The following CORIN variants were observed in gnomAD, a reference collection of about 807,000 sequenced individuals.
The protein encoded by CORIN is corin, serine peptidase.
A neutral mutation model predicts 125.3 loss-of-function variants in CORIN; 117 were observed. The ratio of observed to expected loss-of-function variants is 0.93; its 90% CI spans 0.80 to 1.09. The LOEUF is 1.09. Among genes scored for constraint, CORIN ranks in the 50% least tolerant of loss-of-function variants. The probability of loss-of-function intolerance (pLI) is 0.00; values close to 1 mark genes in which losing one functional copy is unlikely to be tolerated. For missense variants in CORIN, 1,253 were observed against 1,306.7 expected (o/e 0.96, Z 0.63); for synonymous variants, 450 against 466.4 (o/e 0.96, Z 0.45).
intron 2 of CORIN, among the ~76,000 whole-genome samples, chr4:47,794,897 TC>T (rs1731226366): frequency 1.3e-5 from 2 of 152,154 alleles, no homozygotes; most frequent in Non-Finnish European, 2.9e-5. Context: ...TCCGATGTTT[TC>T]TTCTAGGAGT....
chr4:47,751,498 A>G (rs1467867426), intron 4 of CORIN, among the ~76,000 whole-genome samples: 1 of 151,928 alleles, frequency 6.6e-6, no homozygotes, highest in African/African-American at 2.4e-5. Flanking sequence ...AGCCAGCTGT[A>G]CTCTCTCTAA....
At chr4:47,635,362 C>A (rs945748602) in intron 16 of CORIN, among the ~76,000 whole-genome samples, 2 of 152,046 alleles carry the variant, frequency 1.3e-5, no homozygotes, top group African/African-American at 4.8e-5. Flanking sequence ...ACAAAATAAC[C>A]AAATGTGATA....
chr4:47,796,673 AC>A (rs1380619400), intron 2 of CORIN, among the ~76,000 whole-genome samples: 2 of 152,080 alleles, frequency 1.3e-5, no homozygotes, highest in African/African-American at 2.4e-5. Flanking sequence ...ACAGGTATAT[AC>A]TTGTTTCCAA....
At chr4:47,611,846 G>A (rs1721883557) in intron 19 of CORIN, among the ~76,000 whole-genome samples, 1 of 152,226 alleles carries the variant, frequency 6.6e-6, no homozygotes, top group Non-Finnish European at 1.5e-5. Context: ...TGTCTATTGA[G>A]ATAATCATGT....
chr4:47,637,296 G>C (rs28785833), intron 16 of CORIN, among the ~76,000 whole-genome samples: 39,763 of 152,048 alleles, frequency 0.26, 5,432 homozygotes, highest in Admixed American at 0.36. Context: ...AATTTGCAGC[G>C]TGACAATGCA....
intron 4 of CORIN, among the ~76,000 whole-genome samples, chr4:47,753,426 G>A (rs1728997252): frequency 6.6e-6 from 1 of 152,118 alleles, no homozygotes; most frequent in Admixed American, 6.5e-5. Flanking sequence ...AACTTTACCA[G>A]GACGCGATCT....
chr4:47,755,312 C>T (rs1351331744), intron 4 of CORIN, among the ~76,000 whole-genome samples: 1 of 152,124 alleles, frequency 6.6e-6, no homozygotes, highest in East Asian at 1.9e-4. Flanking sequence ...AAAGTATGCT[C>T]CCCCTTCCAT....
chr4:47,716,420 C>T (rs555696320), intron 5 of CORIN, among the ~76,000 whole-genome samples: 3 of 152,274 alleles, frequency 2.0e-5, no homozygotes, highest in Admixed American at 2.0e-4. Context: ...TTTGTGTATA[C>T]AACTTCTGCA....
At chr4:47,819,961 G>A (rs998476481) in intron 1 of CORIN, among the ~76,000 whole-genome samples, 1 of 152,136 alleles carries the variant, frequency 6.6e-6, no homozygotes, top group African/African-American at 2.4e-5. Context: ...CATCCAGGGG[G>A]ATCCTAATTG....
intron 19 of CORIN, among the ~76,000 whole-genome samples, 183 bp downstream of exon 19, chr4:47,623,388 C>T (rs1308346181): frequency 6.6e-6 from 1 of 152,040 alleles, no homozygotes; most frequent in Non-Finnish European, 1.5e-5. Context: ...AACAAATGAG[C>T]AGCCCACATA....
chr4:47,812,630 C>T (rs1195958801), intron 1 of CORIN, among the ~76,000 whole-genome samples: 1 of 152,208 alleles, frequency 6.6e-6, no homozygotes, highest in East Asian at 1.9e-4. Context: ...AACAAATACT[C>T]ATAAGATTTT....
chr4:47,687,157 G>A (rs906538708), intron 6 of CORIN, among the ~76,000 whole-genome samples: 1 of 152,174 alleles, frequency 6.6e-6, no homozygotes, highest in African/African-American at 2.4e-5. Context: ...TACAAAATGA[G>A]CTGCATTTGG....
chr4:47,763,536 C>T lies in CORIN; in HGVS notation c.460G>A (p.Ala154Thr), dbSNP rs200249247. 13 of 1,613,940 alleles carry T rather than the reference C, an allele frequency of 8.1e-6. No individual in the cohort carries two copies. In the South Asian group the frequency reaches 9.9e-5, roughly 12 times the overall value. The change falls in exon 4 of 22, where the codon GCC becomes ACC. Residue 154 changes from alanine (A) to threonine (T), a missense_variant. Ala to Thr is a moderately conservative substitution (Grantham distance 58). Coordinates refer to ENST00000273857, the MANE Select transcript of CORIN (RefSeq NM_006587.4). ...ACTGAGAGGAGAGGTGTCAGCGTGG[C>T]GTGGTAGGGCAGCATCTGACACTGG... ...HSQCQMLPYH[A>T]TLTPLLSVVR...
intron 19 of CORIN, among the ~76,000 whole-genome samples, chr4:47,607,054 A>G (rs1168082850): frequency 6.6e-6 from 1 of 152,226 alleles, no homozygotes; most frequent in African/African-American, 2.4e-5. Flanking sequence ...AAAATTCTGG[A>G]CTTAATTACT....
At chr4:47,610,851 C>A (rs1411830247) in intron 19 of CORIN, among the ~76,000 whole-genome samples, 1 of 152,172 alleles carries the variant, frequency 6.6e-6, no homozygotes, top group African/African-American at 2.4e-5. Context: ...AATAGGAAAT[C>A]TTTTCCCCAT....
chr4:47,789,103 G>A (rs927421918), intron 2 of CORIN, among the ~76,000 whole-genome samples: 1 of 151,898 alleles, frequency 6.6e-6, no homozygotes, highest in African/African-American at 2.4e-5. Flanking sequence ...AGGAGTTCTA[G>A]ACCACCCTGA....
At chr4:47,740,182 T>C (rs1368599316) in intron 5 of CORIN, among the ~76,000 whole-genome samples, 6 of 151,986 alleles carry the variant, frequency 3.9e-5, no homozygotes, top group Non-Finnish European at 1.5e-5. Flanking sequence ...ATACTTTATA[T>C]TCAGAAACAC....
intron 5 of CORIN, among the ~76,000 whole-genome samples, chr4:47,699,072 G>A (rs182398231): frequency 1.8e-4 from 27 of 152,262 alleles, no homozygotes; most frequent in African/African-American, 4.3e-4. Context: ...TATACCCATC[G>A]TTAGGCAATA....
intron 2 of CORIN, among the ~76,000 whole-genome samples, chr4:47,794,508 TTAAGCTAGTTTTCA>T (rs1731211370): frequency 1.3e-5 from 2 of 152,208 alleles, no homozygotes; most frequent in South Asian, 4.1e-4. Flanking sequence ...AAATGTAATT[TTAAGCTAGTTTTCA>T]TAAGCTTATG....
Sources: gnomAD v4.1 joint callset for allele counts (sites outside exome capture counted in the v4.1 genomes callset) on GRCh38, gnomAD v4.1.1 for gene constraint, MANE v1.5 for transcripts, NCBI Gene and HGNC (gene_info 2026-07-23, HGNC 2026-07-21) for gene names.